Variants in ITGA9 observed in about 807,000 individuals in gnomAD.
ITGA9 encodes integrin subunit alpha 9.
ITGA9 carries 56 observed loss-of-function variants against 127.8 expected under a neutral mutation model. The observed-to-expected ratio is 0.44, with a 90% CI of 0.35 to 0.55. ITGA9 has a LOEUF of 0.55. Ranked by LOEUF, ITGA9 falls within the 20% of genes least tolerant of loss-of-function variation. ITGA9 has a pLI of 0.00. For missense variants in ITGA9, 1,196 were observed against 1,347.1 expected (o/e 0.89, Z 1.76); for synonymous variants, 508 against 514.5 (o/e 0.99, Z 0.17).
In ITGA9 at chr3:37,517,583, A is replaced by G. The variant is rs764741915; in HGVS notation, c.1115A>G (p.Asp372Gly). The change falls in exon 10 of 28, where the codon GAC becomes GGC. Residue 372 changes from aspartate (D) to glycine (G), a missense_variant. Transcript: ENST00000264741. ...AHFGESIASL[D>G]DLDNDGFPDV... is the part of the protein sequence containing the mutation. ...TTTGGAGAGAGCATTGCCAGCCTGG[A>G]CGATCTGGACAATGATGGGTTCCCA... 6.3e-7 allele frequency: 1 copy of G among 1,589,968 alleles called. No individual in the cohort carries two copies. Among genetic ancestry groups the G allele is most frequent in the East Asian group, 2.3e-5 (1 of 43,986 alleles).
intron 18 of ITGA9, among the ~76,000 whole-genome samples, chr3:37,726,312 C>T (rs1696200501): frequency 6.6e-6 from 1 of 152,152 alleles, no homozygotes. Context: ...TATGGAGACA[C>T]CAGGGTCATC....
chr3:37,637,495 G>C lies in ITGA9; in HGVS notation c.1839+8159G>C, dbSNP rs149483572. On this transcript the variant is annotated intron_variant, in intron 16 of 27. Coordinates refer to ENST00000264741, the MANE Select transcript of ITGA9 (RefSeq NM_002207.3). ...TGTACATTGATTTTGTATCCTGAGAGTTTGCTGAAGTTGCTTATCAGCTTG... is the reference window on the plus strand; with the variant it reads ...TGTACATTGATTTTGTATCCTGAGACTTTGCTGAAGTTGCTTATCAGCTTG... 8.5e-3 allele frequency among the ~76,000 whole-genome samples: 1,292 copies of C among 152,208 alleles called. 23 individuals carry two copies. The highest frequency in any genetic ancestry group is 0.03 in the African/African-American group (1,235 of 41,526).
chr3:37,510,850 C>T (rs1177585663), intron 8 of ITGA9, among the ~76,000 whole-genome samples: 1 of 152,224 alleles, frequency 6.6e-6, no homozygotes, highest in East Asian at 1.9e-4. Flanking sequence ...CTCTTGCCTT[C>T]ACTTCCTTCT....
chr3:37,649,100 T>A (rs1296038423), intron 16 of ITGA9, among the ~76,000 whole-genome samples: 14 of 72,142 alleles, frequency 1.9e-4, no homozygotes, highest in African/African-American at 2.7e-4. Context: ...AAGAAAGGAA[T>A]CAAAACCTAT....
At chr3:37,693,122 C>T (rs777636372) in intron 18 of ITGA9, among the ~76,000 whole-genome samples, 1 of 152,130 alleles carries the variant, frequency 6.6e-6, no homozygotes, top group African/African-American at 2.4e-5. Context: ...ACTGTAAGCT[C>T]GTGAGGAATG....
At chr3:37,719,010 A>G (rs947196158) in intron 18 of ITGA9, among the ~76,000 whole-genome samples, 2 of 152,206 alleles carry the variant, frequency 1.3e-5, no homozygotes, top group African/African-American at 4.8e-5. Flanking sequence ...CCCAGTTAAG[A>G]ACCAATGAAG....
intron 18 of ITGA9, among the ~76,000 whole-genome samples, chr3:37,723,458 TC>T (rs1290892674): frequency 6.6e-6 from 1 of 152,208 alleles, no homozygotes; most frequent in Non-Finnish European, 1.5e-5. Context: ...CCTGCTGGGT[TC>T]AATTGATCCT....
At chr3:37,632,721 T>C (rs1180501041) in intron 16 of ITGA9, among the ~76,000 whole-genome samples, 1 of 152,180 alleles carries the variant, frequency 6.6e-6, no homozygotes, top group Non-Finnish European at 1.5e-5. Context: ...TGCAGGAATG[T>C]TGATCATGGA....
intron 27 of ITGA9, among the ~76,000 whole-genome samples, chr3:37,809,980 G>A (rs1343019241): frequency 1.3e-5 from 2 of 152,182 alleles, no homozygotes; most frequent in African/African-American, 4.8e-5. Context: ...TTCCTTTCAA[G>A]GGGAAAGCCA....
rs1559598125 is a variant in ITGA9 at position 37,785,087 on chromosome 3, G to A, written c.2889+9G>A. 6.3e-7 allele frequency: 1 copy of A among 1,593,266 alleles called. No individual in the cohort carries two copies. Reference sequence around the variant, plus strand: ...ACCCAGAAGAGGTGACGGTGAGTCAGCCACCCCAGGACAGCCCTCCTCAGA... The same window carrying A: ...ACCCAGAAGAGGTGACGGTGAGTCAACCACCCCAGGACAGCCCTCCTCAGA... On this transcript the variant is annotated intron_variant, in intron 26 of 27. Coordinates refer to ENST00000264741, the MANE Select transcript of ITGA9 (RefSeq NM_002207.3).
At chr3:37,725,419 C>A (rs1310630903) in intron 18 of ITGA9, among the ~76,000 whole-genome samples, 6 of 152,118 alleles carry the variant, frequency 3.9e-5, no homozygotes, top group Admixed American at 3.9e-4. Context: ...AAATGACAGG[C>A]CTTTTCCCCA....
At chr3:37,480,987 C>T (rs78502025) in intron 3 of ITGA9, among the ~76,000 whole-genome samples, 17,102 of 152,240 alleles carry the variant, frequency 0.11, 1,098 homozygotes, top group Middle Eastern at 0.17. Context: ...TTCCTACGTC[C>T]CCCTGTGGTC....
chr3:37,670,556 C>T (rs1290277723), intron 17 of ITGA9, among the ~76,000 whole-genome samples: 1 of 152,120 alleles, frequency 6.6e-6, no homozygotes, highest in Non-Finnish European at 1.5e-5. Context: ...GTAATATTAC[C>T]AGGACCTGTG....
intron 15 of ITGA9, among the ~76,000 whole-genome samples, chr3:37,555,364 A>G (rs1013722260): frequency 1.7e-5 from 2 of 120,806 alleles, no homozygotes; most frequent in African/African-American, 5.0e-5. Flanking sequence ...GCACTGTCCA[A>G]TATGGTGGCC....
At chr3:37,564,684 G>A (rs974904305) in intron 15 of ITGA9, among the ~76,000 whole-genome samples, 38 of 152,144 alleles carry the variant, frequency 2.5e-4, no homozygotes, top group African/African-American at 7.2e-4. Context: ...GGATATACTT[G>A]CCCCTTTAAT....
intron 26 of ITGA9, chr3:37,791,016 G>A (rs1697102294): frequency 6.6e-6 from 1 of 152,178 alleles, no homozygotes; most frequent in Admixed American, 6.5e-5. Flanking sequence ...GAAAGAAAAT[G>A]AGTAGGCTCC....
intron 19 of ITGA9, among the ~76,000 whole-genome samples, chr3:37,735,969 G>A (rs573119388): frequency 4.4e-4 from 67 of 152,320 alleles, no homozygotes; most frequent in African/African-American, 1.6e-3. Flanking sequence ...AGAAGTTCAA[G>A]GTCATGGTCC....
chr3:37,543,709 AG>A (rs148684776), intron 15 of ITGA9, among the ~76,000 whole-genome samples: 5,779 of 152,240 alleles, frequency 0.038, 124 homozygotes, highest in Non-Finnish European at 0.05. Flanking sequence ...TGTTAGTGCC[AG>A]AGCAGAAGAA....
intron 15 of ITGA9, among the ~76,000 whole-genome samples, chr3:37,550,218 C>G (rs989366738): frequency 6.6e-6 from 1 of 152,196 alleles, no homozygotes; most frequent in Non-Finnish European, 1.5e-5. Flanking sequence ...CTCATAAATA[C>G]AAGCTAGAAC....
Sources: allele counts gnomAD v4.1 joint callset (sites outside exome capture counted in the v4.1 genomes callset), GRCh38; gene constraint gnomAD v4.1.1; transcripts MANE v1.5; gene names NCBI Gene and HGNC (gene_info 2026-07-23, HGNC 2026-07-21).